CAMK2D: variants seen among roughly 807,000 people sequenced by gnomAD.
CAMK2D encodes the protein calcium/calmodulin dependent protein kinase II delta.
Under a neutral mutation model 84.0 loss-of-function variants are expected in CAMK2D, and 37 were observed. The ratio of observed to expected loss-of-function variants is 0.44; its 90% CI spans 0.34 to 0.58. CAMK2D has a LOEUF of 0.58. CAMK2D is among the 20% of genes least tolerant of loss of function. The pLI is 0.02. For synonymous variants in CAMK2D, 202 were observed against 212.5 expected (o/e 0.95, Z 0.43); for missense variants, 448 against 652.5 (o/e 0.69, Z 3.41).
At chr4:113,457,988 T>G (rs983398016) in intron 18 of CAMK2D, among the ~76,000 whole-genome samples, 10 of 152,164 alleles carry the variant, frequency 6.6e-5, no homozygotes, top group Non-Finnish European at 1.2e-4. Flanking sequence ...TGGTGGTGGT[T>G]GTTTTTGTTA....
At chr4:113,657,478 G>T (rs1160497571) in intron 3 of CAMK2D, among the ~76,000 whole-genome samples, 4 of 151,480 alleles carry the variant, frequency 2.6e-5, no homozygotes, top group African/African-American at 4.9e-5. Context: ...TATCTAAAGG[G>T]GTATGAAAAT....
intron 2 of CAMK2D, among the ~76,000 whole-genome samples, chr4:113,735,335 C>T (rs2099578774): frequency 7.9e-6 from 1 of 127,308 alleles, no homozygotes; most frequent in African/African-American, 3.0e-5. Context: ...ATTAGCTGGG[C>T]ATGGTGGTGT....
intron 2 of CAMK2D, among the ~76,000 whole-genome samples, chr4:113,665,728 C>T (rs1272626512): frequency 6.6e-6 from 1 of 152,138 alleles, no homozygotes; most frequent in Non-Finnish European, 1.5e-5. Flanking sequence ...TCCTTTGAAG[C>T]TCAAGTCCAT....
intron 4 of CAMK2D, among the ~76,000 whole-genome samples, chr4:113,581,573 C>A (rs728061): frequency 6.8e-6 from 1 of 147,812 alleles, no homozygotes; most frequent in African/African-American, 2.5e-5. Context: ...TATGTGTTAA[C>A]TTAGTCCTTA....
intron 7 of CAMK2D, 29 bp downstream of exon 7, chr4:113,537,312 G>C (rs2098500328): frequency 8.7e-7 from 1 of 1,150,764 alleles, no homozygotes; most frequent in Admixed American, 1.8e-5. Context: ...GAAGACTATA[G>C]GTAGCATGAA....
intron 2 of CAMK2D, among the ~76,000 whole-genome samples, chr4:113,758,859 T>C (rs2149163722): frequency 6.6e-6 from 1 of 152,280 alleles, no homozygotes; most frequent in Non-Finnish European, 1.5e-5. Flanking sequence ...CCAAAGCTAT[T>C]ACTGTTAAAT....
chr4:113,569,792 C>G (rs2098743689), intron 4 of CAMK2D, among the ~76,000 whole-genome samples: 1 of 152,024 alleles, frequency 6.6e-6, no homozygotes. Context: ...TTAGAAAAAT[C>G]CATTTGTAGC....
At chr4:113,537,996 A>G (rs567455270) in intron 6 of CAMK2D, among the ~76,000 whole-genome samples, 1 of 152,310 alleles carries the variant, frequency 6.6e-6, no homozygotes, top group South Asian at 2.1e-4. Context: ...TGAATTATGT[A>G]TTAAAATTGC....
intron 2 of CAMK2D, among the ~76,000 whole-genome samples, chr4:113,676,706 G>C (rs1402759900): frequency 6.6e-6 from 1 of 152,152 alleles, no homozygotes; most frequent in Non-Finnish European, 1.5e-5. Flanking sequence ...TATACCAGAA[G>C]GAAAGCAACA....
chr4:113,659,609 A>G (rs1187600970), intron 3 of CAMK2D, among the ~76,000 whole-genome samples: 1 of 152,204 alleles, frequency 6.6e-6, no homozygotes, highest in African/African-American at 2.4e-5. Context: ...TTGCTTAGGA[A>G]GGAGGTCTCA....
intron 2 of CAMK2D, among the ~76,000 whole-genome samples, chr4:113,691,499 T>C (rs2154341384): frequency 6.6e-6 from 1 of 152,294 alleles, no homozygotes; most frequent in East Asian, 1.9e-4. Context: ...ACACCTGTAA[T>C]CCCAGCACTT....
At chr4:113,718,439 G>T (rs1467423051) in intron 2 of CAMK2D, among the ~76,000 whole-genome samples, 1 of 152,182 alleles carries the variant, frequency 6.6e-6, no homozygotes, top group East Asian at 1.9e-4. Flanking sequence ...AGTGATGCCA[G>T]ATGATCCATC....
chr4:113,669,572 C>T (rs1490016647), intron 2 of CAMK2D, among the ~76,000 whole-genome samples: 1 of 152,176 alleles, frequency 6.6e-6, no homozygotes, highest in Non-Finnish European at 1.5e-5. Flanking sequence ...TTATACCCTT[C>T]GTAGCTCTAC....
At position 113,592,155 on chromosome 4, in the gene CAMK2D, C is replaced by T. The variant is rs80023730; in HGVS notation, c.275+16997G>A. Among the ~76,000 whole-genome samples the T allele has an allele frequency of 5.8e-3, 877 of 152,178 alleles. 31 individuals carry two copies. The East Asian group carries it at 0.12, about 20-fold the overall frequency. ...GTTAACTGCAAGCCGACAGCAGAAC[C>T]TGCCAAGTTTGGGTGTCTCAAGTAG... is the stretch of plus-strand genomic sequence containing the variant. On this transcript the variant is annotated intron_variant, in intron 4 of 20. Transcript: ENST00000511664.
chr4:113,468,643 T>G (rs944722336), intron 16 of CAMK2D, among the ~76,000 whole-genome samples: 2 of 152,100 alleles, frequency 1.3e-5, no homozygotes, highest in Admixed American at 6.5e-5. Context: ...AGCAGTGAGG[T>G]TGAGGAACAG....
At chr4:113,704,415 C>T (rs1435074799) in intron 2 of CAMK2D, among the ~76,000 whole-genome samples, 1 of 152,066 alleles carries the variant, frequency 6.6e-6, no homozygotes, top group Admixed American at 6.6e-5. Flanking sequence ...ATTTTCCTCA[C>T]TAGCAATTTA....
At chr4:113,649,918 C>T (rs1250592129) in intron 3 of CAMK2D, among the ~76,000 whole-genome samples, 1 of 151,934 alleles carries the variant, frequency 6.6e-6, no homozygotes, top group Non-Finnish European at 1.5e-5. Context: ...CCTGTCCCTA[C>T]TAAAAATACA....
chr4:113,737,305 A>G (rs574211275), intron 2 of CAMK2D, among the ~76,000 whole-genome samples: 3 of 152,328 alleles, frequency 2.0e-5, no homozygotes, highest in African/African-American at 7.2e-5. Context: ...ACTATTATTC[A>G]TTCTTAAAAA....
At chr4:113,739,069 A>G (rs1254464047) in intron 2 of CAMK2D, among the ~76,000 whole-genome samples, 7 of 152,172 alleles carry the variant, frequency 4.6e-5, no homozygotes, top group Admixed American at 1.3e-4. Flanking sequence ...AAATGGAAAT[A>G]CTTCATAGAT....
Sources: allele counts gnomAD v4.1 joint callset (sites outside exome capture counted in the v4.1 genomes callset), GRCh38; gene constraint gnomAD v4.1.1; transcripts MANE v1.5; gene names NCBI Gene and HGNC (gene_info 2026-07-23, HGNC 2026-07-21).